The following MYB variants were observed in gnomAD, a reference collection of about 807,000 sequenced individuals.
The protein encoded by MYB is transcriptional activator Myb.
A neutral mutation model predicts 92.9 loss-of-function variants in MYB; 28 were observed. The ratio of observed to expected loss-of-function variants is 0.30; its 90% confidence interval spans 0.22 to 0.41. The LOEUF (loss-of-function observed/expected upper bound fraction) is 0.41. Ranked by LOEUF, MYB falls within the 10% of genes least tolerant of loss-of-function variation. The probability of loss-of-function intolerance (pLI) is 1.00; values close to 1 mark genes in which losing one functional copy is unlikely to be tolerated. For synonymous variants in MYB, 295 were observed against 329.1 expected (o/e 0.90, Z 1.12); for missense variants, 679 against 929.3 (o/e 0.73, Z 3.50).
chr6:135,183,763 T>C (rs980802918), intron 1 of MYB, among the ~76,000 whole-genome samples: 1 of 152,206 alleles, frequency 6.6e-6, no homozygotes, highest in Non-Finnish European at 1.5e-5. Flanking sequence ...ACTCTCCACC[T>C]TGCCCCCAAG....
At chr6:135,195,089 T>A in intron 8 of MYB, 1 of 1,270,906 alleles carries the variant, frequency 7.9e-7, no homozygotes, top group East Asian at 5.4e-5. Flanking sequence ...CCAGTAGGTA[T>A]TCCTAGGGGT....
In MYB at chr6:135,198,950, A is replaced by G. The variant is rs765910984; in HGVS notation, c.1609A>G (p.Met537Val). The change falls in exon 11 of 16, where the codon ATG (methionine) becomes GTG (valine). Residue 537 changes from methionine to valine, a missense_variant. Physicochemically the swap from Met to Val is conservative, Grantham distance 21. Transcript: ENST00000341911. ...SSNHENSDLE[M>V]PSLTSTPLIG... ...TAACCATGAAAACTCAGACTTGGAA[A>G]TGCCTTCTTTAACTTCCACCCCCCT... 1 of 1,611,532 alleles carries G rather than the reference A, an allele frequency of 6.2e-7. No individual in the cohort carries two copies. Among genetic ancestry groups the G allele is most frequent in the Non-Finnish European group, 8.5e-7 (1 of 1,177,920 alleles).
chr6:135,200,213 A>G lies in MYB; in HGVS notation c.1824+14A>G, dbSNP rs758702372. ...CTGAAGATGCTAGTAAGTTCTAGAA[A>G]AGTTTTTGGATTTCATTGGTTTATT... On this transcript the variant is annotated intron_variant, in intron 12 of 15. Coordinates refer to ENST00000341911, the MANE Select transcript of MYB (RefSeq NM_001130173.2). 1 of 1,614,012 alleles carries G rather than the reference A, an allele frequency of 6.2e-7. No homozygotes were observed. Among genetic ancestry groups the G allele is most frequent in the Non-Finnish European group, 8.5e-7 (1 of 1,179,918 alleles).
chr6:135,204,464 C>A (rs897293414), intron 15 of MYB, among the ~76,000 whole-genome samples: 12 of 152,030 alleles, frequency 7.9e-5, no homozygotes, highest in Non-Finnish European at 1.8e-4. Context: ...GGCAACCCAG[C>A]CGTTTTTTTG....
chr6:135,207,523 G>A (rs1047783602), intron 15 of MYB, among the ~76,000 whole-genome samples: 1 of 152,118 alleles, frequency 6.6e-6, no homozygotes, highest in Non-Finnish European at 1.5e-5. Flanking sequence ...TATTTTTGAG[G>A]CCCATATACT....
At chr6:135,185,168 T>C (rs190135468) in intron 1 of MYB, among the ~76,000 whole-genome samples, 128 of 152,316 alleles carry the variant, frequency 8.4e-4, no homozygotes, top group African/African-American at 3.0e-3. Flanking sequence ...GACTAACAAG[T>C]GGCCTAATTA....
rs1776449258 is a variant in MYB, at chr6:135,190,098, A to T, written c.307-29A>T. The T allele has an allele frequency of 6.2e-7, 1 of 1,601,272 alleles. No homozygotes were observed. The highest frequency in any genetic ancestry group is 1.3e-5 in the African/African-American group (1 of 74,544). ...CTGACTCATTACATAACTTTAAAAC[A>T]TAGGTTATTTTTGTGTGTTTATCTG... On this transcript the variant is annotated intron_variant, in intron 4 of 15. Coordinates refer to ENST00000341911, the MANE Select transcript of MYB (RefSeq NM_001130173.2). The surrounding 1 kb of genome is among the most constrained non-coding windows in gnomAD (Gnocchi z 4.5).
chr6:135,195,046 TAACC>T, intron 8 of MYB: 1 of 1,325,546 alleles, frequency 7.5e-7, no homozygotes, highest in Non-Finnish European at 9.9e-7. Flanking sequence ...CATACATAGT[TAACC>T]AACAAAGACA....
intron 15 of MYB, among the ~76,000 whole-genome samples, chr6:135,204,638 C>T (rs1016779110): frequency 5.3e-5 from 8 of 152,184 alleles, no homozygotes; most frequent in African/African-American, 1.9e-4. Context: ...GGATTGCAAG[C>T]ACATTTTGTT....
rs1452414448 is a variant in MYB at position 135,192,357 on chromosome 6, T to C, written c.561T>C (p.Ser187=). The C allele has an allele frequency of 1.2e-6, 2 of 1,614,118 alleles. No homozygotes were observed. Among genetic ancestry groups the C allele is most frequent in the African/African-American group, 2.7e-5 (2 of 74,952 alleles). ...ATGCTATCAAGAACCACTGGAATTCTACAATGCGTCGGAAGGTCGAACAGG... is the reference window on the plus strand; with the variant it reads ...ATGCTATCAAGAACCACTGGAATTCCACAATGCGTCGGAAGGTCGAACAGG... ...TDNAIKNHWN[S]TMRRKVEQEG... The change falls in exon 6 of 16, where the codon TCT becomes TCC. Residue 187 remains serine (S), a synonymous_variant. Transcript: ENST00000341911.
chr6:135,196,287 T>C (rs1250338352), intron 9 of MYB, among the ~76,000 whole-genome samples: 1 of 152,198 alleles, frequency 6.6e-6, no homozygotes, highest in Non-Finnish European at 1.5e-5. Context: ...TTTTTAAAAA[T>C]AGTCAGATTG....
At chr6:135,203,382 T>TTGC in intron 15 of MYB, 58 bp downstream of exon 15, 1 of 1,117,634 alleles carries the variant, frequency 8.9e-7, no homozygotes, top group Non-Finnish European at 1.3e-6. Context: ...ACTGTCATCT[T>TTGC]TGGTGGTGGT....
intron 1 of MYB, among the ~76,000 whole-genome samples, chr6:135,185,605 G>A (rs2128283664): frequency 6.6e-6 from 1 of 152,276 alleles, no homozygotes; most frequent in Middle Eastern, 3.4e-3. Flanking sequence ...TTCACTGGTT[G>A]GAAGGTGGCC....
chr6:135,181,980 A>G lies in MYB; in HGVS notation c.23+444A>G, dbSNP rs1775123450. On this transcript the variant is annotated intron_variant, in intron 1 of 15. Coordinates refer to ENST00000341911, the MANE Select transcript of MYB (RefSeq NM_001130173.2). The surrounding 1 kb of genome is among the most constrained non-coding windows in gnomAD (Gnocchi z 5.3). Reference sequence around the variant, plus strand: ...AGAGCATATGGCAGATACAGGGAAAATGCTGGATTGTTTAGTAGCTGCAGG... The same window carrying G: ...AGAGCATATGGCAGATACAGGGAAAGTGCTGGATTGTTTAGTAGCTGCAGG... Among the ~76,000 whole-genome samples, 1 of 152,164 alleles carries G rather than the reference A, an allele frequency of 6.6e-6. No homozygotes were observed. The highest frequency in any genetic ancestry group is 1.5e-5 in the Non-Finnish European group (1 of 68,034).
chr6:135,206,205 CAAAAA>C (rs67836018), intron 15 of MYB, among the ~76,000 whole-genome samples: 3,466 of 87,250 alleles, frequency 0.04, 220 homozygotes, highest in African/African-American at 0.15. Flanking sequence ...GACTCCATCT[CAAAAA>C]AAAAAAAAAA....
Position 135,211,355 on chromosome 6 carries a change from G to A in MYB, c.2170-6509G>A, listed in dbSNP as rs17064301. Among the ~76,000 whole-genome samples, 614 of 151,806 alleles carry A rather than the reference G, an allele frequency of 4.0e-3. 4 individuals carry two copies. The highest frequency in any genetic ancestry group is 0.014 in the African/African-American group (593 of 41,354). On this transcript the variant is annotated intron_variant, in intron 15 of 15. Coordinates refer to ENST00000341911, the MANE Select transcript of MYB (RefSeq NM_001130173.2). Reference sequence around the variant, plus strand: ...AAATTAAGCAGCTTTTCTGTGTATAGCTTTTGGGTTGAACTGAGAAGGGCT... The same window carrying A: ...AAATTAAGCAGCTTTTCTGTGTATAACTTTTGGGTTGAACTGAGAAGGGCT...
intron 3 of MYB, among the ~76,000 whole-genome samples, chr6:135,189,305 C>T (rs1015287088): frequency 1.3e-5 from 2 of 152,192 alleles, no homozygotes; most frequent in Admixed American, 6.5e-5. Flanking sequence ...AGTTTACAAA[C>T]TCCTGTAACA....
rs956415609 is a variant in MYB at position 135,182,789 on chromosome 6, G to T, written c.23+1253G>T. On this transcript the variant is annotated intron_variant, in intron 1 of 15. Transcript: ENST00000341911. The surrounding 1 kb of genome is among the most constrained non-coding windows in gnomAD (Gnocchi z 5.6). ...CCGCGCGGCGCTGGGAAGTTGCAAA[G>T]AGCGTGGGTGGAGACCCTGCAGCAG... Among the ~76,000 whole-genome samples the T allele has an allele frequency of 2.0e-5, 3 of 152,124 alleles. No individual in the cohort carries two copies. The highest frequency in any genetic ancestry group is 7.2e-5 in the African/African-American group (3 of 41,458).
chr6:135,183,595 A>G (rs1775477454), intron 1 of MYB, among the ~76,000 whole-genome samples: 1 of 152,212 alleles, frequency 6.6e-6, no homozygotes, highest in South Asian at 2.1e-4. Context: ...AGTAGAAATT[A>G]ATCATGCTTC....
Sources: gnomAD v4.1 joint callset for allele counts (sites outside exome capture counted in the v4.1 genomes callset) on GRCh38, gnomAD v4.1.1 for gene constraint, Gnocchi (gnomAD v3.1) non-coding constraint, MANE v1.5 for transcripts, NCBI Gene and HGNC (gene_info 2026-07-23, HGNC 2026-07-21) for gene names.